Variants in COLEC10 observed in about 807,000 individuals in gnomAD.
COLEC10 encodes collectin-10.
Under a neutral mutation model 28.4 loss-of-function variants are expected in COLEC10, and 22 were observed. The observed-to-expected ratio is 0.78, with a 90% CI of 0.55 to 1.11. COLEC10 has a LOEUF of 1.11. Ranked by LOEUF, COLEC10 falls within the 50% of genes least tolerant of loss-of-function variation. The pLI, the probability that COLEC10 is intolerant of heterozygous loss-of-function variation, is 0.00. For synonymous variants in COLEC10, 125 were observed against 116.1 expected, an observed-to-expected ratio of 1.08 and a Z score of -0.49; for missense variants, 361 against 344.1, an observed-to-expected ratio of 1.05 and a Z score of -0.39.
chr8:118,954,720 T>G, the COLEC10 span, among the ~76,000 whole-genome samples: 2 of 152,232 alleles, frequency 1.3e-5, no homozygotes, highest in Non-Finnish European at 2.9e-5. Context: ...ATTGAATAGA[T>G]TTTGGATTGA....
upstream of COLEC10, among the ~76,000 whole-genome samples, chr8:119,066,892 T>C (rs1268820152): frequency 6.6e-6 from 1 of 152,216 alleles, no homozygotes; most frequent in African/African-American, 2.4e-5. Flanking sequence ...AACATGTTGC[T>C]AACTGAAGAC....
chr8:118,963,131 A>G, the COLEC10 span, among the ~76,000 whole-genome samples: 18 of 152,312 alleles, frequency 1.2e-4, no homozygotes, highest in Non-Finnish European at 1.9e-4. Flanking sequence ...GTTACAATAA[A>G]CAACCAAACA....
At chr8:119,040,382 A>G (rs184601506) in intron 2 of COLEC10, among the ~76,000 whole-genome samples, 29 of 152,320 alleles carry the variant, frequency 1.9e-4, no homozygotes, top group African/African-American at 7.0e-4. Flanking sequence ...ATTCTTTAGT[A>G]TCTCATTGGC....
the COLEC10 span, among the ~76,000 whole-genome samples, chr8:118,955,652 C>T: frequency 2.0e-5 from 3 of 152,302 alleles, no homozygotes; most frequent in South Asian, 4.1e-4. Context: ...CTGAAAACTG[C>T]GTATATTGAC....
intron 1 of COLEC10, among the ~76,000 whole-genome samples, chr8:119,070,574 A>AC (rs543884264): frequency 0.16 from 4,592 of 29,348 alleles, 195 homozygotes; most frequent in South Asian, 0.27. Context: ...CTCTCCCCCC[A>AC]CCCCTTCTCT....
intron 2 of COLEC10, among the ~76,000 whole-genome samples, chr8:119,053,869 T>C (rs1814720142): frequency 6.6e-6 from 1 of 152,090 alleles, no homozygotes; most frequent in East Asian, 1.9e-4. Flanking sequence ...GTGGATAGTA[T>C]TGAACCCTAT....
intron 3 of COLEC10, among the ~76,000 whole-genome samples, chr8:119,097,787 C>T (rs929096816): frequency 6.6e-6 from 1 of 151,970 alleles, no homozygotes; most frequent in African/African-American, 2.4e-5. Flanking sequence ...TCATGTATTG[C>T]TCGTATTGCT....
At chr8:119,088,150 G>A (rs1376381231) in intron 1 of COLEC10, among the ~76,000 whole-genome samples, 3 of 151,294 alleles carry the variant, frequency 2.0e-5, no homozygotes, top group Non-Finnish European at 4.4e-5. Flanking sequence ...GAGAGAGAAG[G>A]AAGGAATAGT....
At chr8:119,034,251 G>A (rs1166834955) in intron 2 of COLEC10, among the ~76,000 whole-genome samples, 1 of 152,086 alleles carries the variant, frequency 6.6e-6, no homozygotes, top group East Asian at 1.9e-4. Context: ...GGAGGATGGG[G>A]GGTGGGGAGG....
the COLEC10 span, among the ~76,000 whole-genome samples, chr8:118,961,115 C>A: frequency 2.5e-3 from 386 of 152,258 alleles, no homozygotes; most frequent in Non-Finnish European, 3.5e-3. Context: ...AATTATTTGA[C>A]CTTCCCAATA....
At chr8:119,069,112 T>C (rs2130222672) in intron 1 of COLEC10, among the ~76,000 whole-genome samples, 1 of 152,220 alleles carries the variant, frequency 6.6e-6, no homozygotes. Context: ...CTCTCGCATC[T>C]ACATACCAAG....
chr8:119,033,338 G>A (rs1335142705), intron 2 of COLEC10, among the ~76,000 whole-genome samples: 1 of 143,486 alleles, frequency 7.0e-6, no homozygotes, highest in Non-Finnish European at 1.5e-5. Flanking sequence ...GTAGGCATGG[G>A]CAAAGACTTC....
chr8:118,994,118 T>C (rs77748381), upstream of COLEC10, among the ~76,000 whole-genome samples: 2,265 of 152,266 alleles, frequency 0.015, 55 homozygotes, highest in African/African-American at 0.052. Context: ...ATACAATAGC[T>C]TGGATTCTCT....
chr8:118,963,373 T>A, the COLEC10 span, among the ~76,000 whole-genome samples: 24 of 152,270 alleles, frequency 1.6e-4, no homozygotes, highest in South Asian at 5.0e-3. Context: ...ACAAACTTGG[T>A]TCTTGATTAA....
the COLEC10 span, among the ~76,000 whole-genome samples, chr8:118,960,708 C>A: frequency 7.1e-6 from 1 of 140,764 alleles, no homozygotes; most frequent in East Asian, 2.2e-4. Flanking sequence ...TCGCTTGAAC[C>A]GGTGGGGGGT....
intron 2 of COLEC10, among the ~76,000 whole-genome samples, chr8:119,045,105 A>G (rs1418858729): frequency 6.6e-6 from 1 of 152,194 alleles, no homozygotes; most frequent in African/African-American, 2.4e-5. Context: ...CAAATTCTTG[A>G]TGATACAAGT....
At chr8:118,961,345 A>G in the COLEC10 span, among the ~76,000 whole-genome samples, 1 of 152,162 alleles carries the variant, frequency 6.6e-6, no homozygotes, top group African/African-American at 2.4e-5. Context: ...ACCATTATCC[A>G]TTATTTATTT....
intron 3 of COLEC10, among the ~76,000 whole-genome samples, chr8:119,095,266 A>G (rs1815687850): frequency 6.6e-6 from 1 of 152,242 alleles, no homozygotes; most frequent in Admixed American, 6.5e-5. Flanking sequence ...CCTCCACAAT[A>G]AACTACACAT....
chr8:118,974,981 A>G, the COLEC10 span, among the ~76,000 whole-genome samples: 1 of 152,022 alleles, frequency 6.6e-6, no homozygotes, highest in Non-Finnish European at 1.5e-5. Context: ...CATTTGATAA[A>G]CTGCACAAAA....
Sources: allele counts gnomAD v4.1 joint callset (sites outside exome capture counted in the v4.1 genomes callset), GRCh38; gene constraint gnomAD v4.1.1; transcripts MANE v1.5; gene names NCBI Gene and HGNC (gene_info 2026-07-23, HGNC 2026-07-21).